The following IQSEC3 variants were observed in gnomAD, a reference collection of about 807,000 sequenced individuals.
IQSEC3 encodes the protein IQ motif and Sec7 domain ArfGEF 3.
A neutral mutation model predicts 105.4 loss-of-function variants in IQSEC3; 50 were observed. That is an observed-to-expected ratio of 0.47 (90% confidence interval 0.38 to 0.60). IQSEC3 has a LOEUF of 0.60. Ranked by LOEUF, IQSEC3 falls within the 20% of genes least tolerant of loss-of-function variation. IQSEC3 has a pLI of 0.00. For missense variants in IQSEC3, 1,415 were observed against 1,630.0 expected (o/e 0.87, Z 2.27); for synonymous variants, 708 against 746.0 (o/e 0.95, Z 0.83).
chr12:175,009 C>T lies in IQSEC3; in HGVS notation c.3525C>T (p.Ser1175=), dbSNP rs769675869. 6.4e-7 allele frequency: 1 copy of T among 1,567,292 alleles called. No homozygotes were observed. The highest frequency in any genetic ancestry group is 8.6e-7 in the Non-Finnish European group (1 of 1,164,642). The change falls in exon 14 of 14, where the codon TCC becomes TCT. Residue 1175 remains serine (S), a synonymous_variant. Coordinates refer to ENST00000538872, the MANE Select transcript of IQSEC3 (RefSeq NM_001170738.2). ...CCCTGCTGCACGGGCACCGCTACTC[C>T]AGTGGCTCAAGGAGCCTGGTGTAGA... ...PGSLLHGHRY[S]SGSRSLV
At chr12:87,983 G>T (rs1863970456) in intron 1 of IQSEC3, among the ~76,000 whole-genome samples, 1 of 152,238 alleles carries the variant, frequency 6.6e-6, no homozygotes, top group Admixed American at 6.5e-5. Context: ...TTCACCGAAA[G>T]GAGGACTATG....
At chr12:163,031 A>C (rs1039445122) in intron 8 of IQSEC3, among the ~76,000 whole-genome samples, 2 of 152,036 alleles carry the variant, frequency 1.3e-5, no homozygotes, top group East Asian at 3.9e-4. Flanking sequence ...CCCAAGAAGC[A>C]TGACAGGGAT....
Position 163,554 on chromosome 12 carries a change from G to A in IQSEC3, c.2644G>A (p.Val882Met), listed in dbSNP as rs782297067. 3.7e-6 allele frequency: 6 copies of A among 1,611,866 alleles called. No homozygotes were observed. The African/African-American group carries it at 4.0e-5, about 11-fold the overall frequency. Residue 882 changes from valine (V) to methionine (M), a missense_variant, in exon 9 of 14, where the codon GTG becomes ATG. By Grantham distance (21) the Val-to-Met change is conservative. This residue lies in a region of IQSEC3 where 419 missense variants were observed against 436.2 expected (regional missense o/e 0.96). Transcript: ENST00000538872. The part of the protein sequence containing the change: ...CCSRLFEVTD[V>M]NKLQKQAAHQ... Reference sequence around the variant, plus strand: ...CAGCCGGCTCTTCGAGGTGACGGATGTGAACAAGCTGCAGAAGCAGGCAGC... The same window carrying A: ...CAGCCGGCTCTTCGAGGTGACGGATATGAACAAGCTGCAGAAGCAGGCAGC...
intron 13 of IQSEC3, 22 bp downstream of exon 13, chr12:171,183 C>G (rs2291919): frequency 6.2e-7 from 1 of 1,613,882 alleles, no homozygotes; most frequent in Non-Finnish European, 8.5e-7. Context: ...CCTGGTTGCC[C>G]AGGTGAGTGA....
intron 1 of IQSEC3, among the ~76,000 whole-genome samples, chr12:91,592 T>C (rs1419335602): frequency 6.6e-6 from 1 of 152,098 alleles, no homozygotes; most frequent in Admixed American, 6.5e-5. Context: ...CTGGGCAGCA[T>C]GATGAAACTC....
Position 176,958 on chromosome 12 carries a change from G to A in IQSEC3, c.*1925G>A, listed in dbSNP as rs1012554713. On this transcript the variant is annotated 3_prime_UTR_variant, in exon 14 of 14. Transcript: ENST00000538872. This position sits in a 1 kb window ranked among gnomAD's most constrained non-coding sequence, Gnocchi z 4.0. ...GGGACTTGGGAGGAGGTGGAGCTGT[G>A]GGGATGGGAGTGGAGGAATCAAAAT... 2.6e-5 allele frequency: 4 copies of A among 152,538 alleles called. No individual in the cohort carries two copies. The highest frequency in any genetic ancestry group is 2.1e-4 in the South Asian group (1 of 4,830). The allele number at this position is 152,538 out of a possible 1,614,324, so 9.4% of individuals were successfully genotyped here.
chr12:175,222 C>T lies in IQSEC3; in HGVS notation c.*189C>T, dbSNP rs1939203281. On this transcript the variant is annotated 3_prime_UTR_variant, in exon 14 of 14. Coordinates refer to ENST00000538872, the MANE Select transcript of IQSEC3 (RefSeq NM_001170738.2). ...ACCATCCTTCCCTTTCTCAGCTGCACCCCCTCTGCAGATCTGAAGACACAC... is the reference window on the plus strand; with the variant it reads ...ACCATCCTTCCCTTTCTCAGCTGCATCCCCTCTGCAGATCTGAAGACACAC... 7 of 572,062 alleles carry T rather than the reference C, an allele frequency of 1.2e-5. No homozygotes were observed. Among genetic ancestry groups the T allele is most frequent in the Non-Finnish European group, 2.1e-5 (7 of 326,372 alleles). The allele number at this position is 572,062 out of a possible 1,614,324, so 35.4% of individuals were successfully genotyped here.
chr12:166,213 T>A (rs944355079), intron 11 of IQSEC3: 37 of 342,716 alleles, frequency 1.1e-4, no homozygotes, highest in African/African-American at 7.3e-4. Context: ...GGCAGGCCCA[T>A]GGGGCTCTGG....
chr12:66,916 G>T lies in IQSEC3; in HGVS notation c.34G>T (p.Val12Leu). 2.7e-6 allele frequency: 4 copies of T among 1,497,226 alleles called. No homozygotes were observed. The highest frequency in any genetic ancestry group is 3.5e-6 in the Non-Finnish European group (4 of 1,127,624). 92.7% of individuals were successfully genotyped at this position (1,497,226 alleles called of 1,614,324 possible). ...ESLLENPVRA[V>L]LYLKELTAIV... is the part of the protein sequence containing the mutation. ...CCTGCTGGAGAATCCGGTGCGCGCCGTGCTCTACCTCAAGGAGCTCACGGC... is the reference window on the plus strand; with the variant it reads ...CCTGCTGGAGAATCCGGTGCGCGCCTTGCTCTACCTCAAGGAGCTCACGGC... The change falls in exon 1 of 14, where the codon GTG (valine) becomes TTG (leucine). Residue 12 changes from valine (V) to leucine (L), a missense_variant. Coordinates refer to ENST00000538872, the MANE Select transcript of IQSEC3 (RefSeq NM_001170738.2).
At chr12:107,152 A>G (rs1864682817) in intron 2 of IQSEC3, among the ~76,000 whole-genome samples, 1 of 152,220 alleles carries the variant, frequency 6.6e-6, no homozygotes, top group Admixed American at 6.5e-5. Context: ...AGCACCCTCA[A>G]GTTAAAGTGG....
At chr12:108,754 C>G (rs1453571047) in intron 2 of IQSEC3, among the ~76,000 whole-genome samples, 1 of 152,254 alleles carries the variant, frequency 6.6e-6, no homozygotes, top group African/African-American at 2.4e-5. Flanking sequence ...GGGTCTGGCT[C>G]TGGGCCAACA....
At chr12:157,228 A>T (rs1866722175) in intron 6 of IQSEC3, 81 bp downstream of exon 6, 22 of 1,442,882 alleles carry the variant, frequency 1.5e-5, no homozygotes, top group Non-Finnish European at 1.9e-5. Context: ...GAGACAGGAG[A>T]TGCTATCAGG....
At chr12:122,430 G>C (rs952985787) in intron 2 of IQSEC3, among the ~76,000 whole-genome samples, 3 of 152,252 alleles carry the variant, frequency 2.0e-5, no homozygotes, top group African/African-American at 4.8e-5. Flanking sequence ...GTATATGTGA[G>C]AGAGAGATTG....
chr12:151,997 C>G (rs539857442), intron 5 of IQSEC3, among the ~76,000 whole-genome samples: 1 of 152,276 alleles, frequency 6.6e-6, no homozygotes, highest in African/African-American at 2.4e-5. Flanking sequence ...TAGAACTCAT[C>G]ATGACTATAG....
At chr12:115,899 T>A (rs1190795936) in intron 2 of IQSEC3, among the ~76,000 whole-genome samples, 3 of 152,134 alleles carry the variant, frequency 2.0e-5, no homozygotes, top group African/African-American at 7.2e-5. Context: ...CCAGCACATC[T>A]CGATTTAGAG....
At chr12:141,492 G>C (rs1555089289) in intron 5 of IQSEC3, 3 of 541,248 alleles carry the variant, frequency 5.5e-6, no homozygotes, top group African/African-American at 3.8e-5. Context: ...GATTGAGTTC[G>C]CCCCAGGCCA....
In IQSEC3 at chr12:138,177, G is replaced by T. The variant is rs1324896635; in HGVS notation, c.904-90G>T. On this transcript the variant is annotated intron_variant, in intron 3 of 13. Coordinates refer to ENST00000538872, the MANE Select transcript of IQSEC3 (RefSeq NM_001170738.2). This position sits in a 1 kb window ranked among gnomAD's most constrained non-coding sequence, Gnocchi z 7.1. The stretch of plus-strand genomic sequence containing the variant: ...CCCCGTCCATTCCTGGGCCCCACCC[G>T]AGTGTGGCCGGGTGACTCCACCACT... 1.8e-6 allele frequency: 2 copies of T among 1,105,348 alleles called. No individual in the cohort carries two copies. The highest frequency in any genetic ancestry group is 2.6e-6 in the Non-Finnish European group (2 of 769,678). The allele number at this position is 1,105,348 out of a possible 1,614,324, so 68.5% of individuals were successfully genotyped here. A position where few individuals can be genotyped will look rare whatever the true frequency, so the allele number is the denominator to read the frequency against.
chr12:75,819 G>A (rs549676031), intron 1 of IQSEC3, among the ~76,000 whole-genome samples: 419 of 152,368 alleles, frequency 2.7e-3, no homozygotes, highest in African/African-American at 9.0e-3. Flanking sequence ...TGGGCAGAAG[G>A]GAGGACCCCT....
intron 11 of IQSEC3, chr12:166,127 G>C: frequency 2.0e-6 from 1 of 496,252 alleles, no homozygotes; most frequent in South Asian, 3.8e-5. Context: ...AGATCAGCAG[G>C]CATGTGGGGC....
Sources: allele counts gnomAD v4.1 joint callset (sites outside exome capture counted in the v4.1 genomes callset), GRCh38; gene constraint gnomAD v4.1.1; regional missense constraint gnomAD v4.1.1; non-coding constraint Gnocchi (gnomAD v3.1); transcripts MANE v1.5; gene names NCBI Gene and HGNC (gene_info 2026-07-23, HGNC 2026-07-21).